The following TAMM41 variants were observed in gnomAD, a reference collection of about 807,000 sequenced individuals.
The protein encoded by TAMM41 is TAM41 mitochondrial translocator assembly and maintenance homolog.
Under a neutral mutation model 44.1 loss-of-function variants are expected in TAMM41, and 36 were observed. The observed-to-expected ratio is 0.82, with a 90% CI of 0.63 to 1.08. The LOEUF (loss-of-function observed/expected upper bound fraction) is 1.08. TAMM41 is among the 50% of genes least tolerant of loss of function. The pLI is 0.00. For synonymous variants in TAMM41, 164 were observed against 153.1 expected, an observed-to-expected ratio of 1.07 and a Z score of -0.53; for missense variants, 417 against 404.3, an observed-to-expected ratio of 1.03 and a Z score of -0.27.
In TAMM41 at chr3:11,817,350, A is replaced by G. The variant is rs1232199243; in HGVS notation, c.563-13T>C. 1 of 1,602,842 alleles carries G rather than the reference A, an allele frequency of 6.2e-7. No individual in the cohort carries two copies. Among genetic ancestry groups the G allele is most frequent in the Admixed American group, 1.7e-5 (1 of 59,788 alleles). ...ATCCGAAAGTCACCTAGTTAAAACA[A>G]AGAGATAAACACATCTTCCATTAAG... On this transcript the variant is annotated splice_polypyrimidine_tract_variant and intron_variant, in intron 4 of 7. Transcript: ENST00000455809.
chr3:11,808,194 ATGACTTAAATC>A, intron 6 of TAMM41: 2 of 1,060,138 alleles, frequency 1.9e-6, no homozygotes, highest in Non-Finnish European at 2.4e-6. Context: ...AGGGCATTTT[ATGACTTAAATC>A]TGCTTGAGAT....
chr3:11,751,019 G>C, the TAMM41 span, among the ~76,000 whole-genome samples: 24 of 151,914 alleles, frequency 1.6e-4, no homozygotes, highest in Non-Finnish European at 2.6e-4. Flanking sequence ...CACAGGTCCA[G>C]GGTGCACACT....
intron 5 of TAMM41, among the ~76,000 whole-genome samples, chr3:11,813,912 G>A (rs985062690): frequency 5.0e-4 from 73 of 147,008 alleles, no homozygotes; most frequent in African/African-American, 1.7e-3. Flanking sequence ...ATATATGTGT[G>A]TATATATGTA....
chr3:11,735,579 G>A, the TAMM41 span, among the ~76,000 whole-genome samples: 1 of 152,054 alleles, frequency 6.6e-6, no homozygotes, highest in Non-Finnish European at 1.5e-5. Context: ...AGACTGCAGT[G>A]AGCTGTGTTC....
chr3:11,839,928 G>A lies in TAMM41; in HGVS notation c.319-614C>T, dbSNP rs185411696. 2.9e-3 allele frequency among the ~76,000 whole-genome samples: 436 copies of A among 152,170 alleles called. 1 individual carries two copies. The highest frequency in any genetic ancestry group is 9.9e-3 in the African/African-American group (411 of 41,496). ...TAACATCACTACTGTAGAACCTAAG[G>A]TTGGTCTTTTGAGATGTTTTCAGAC... On this transcript the variant is annotated intron_variant, in intron 2 of 7. Transcript: ENST00000455809.
chr3:11,740,087 C>T, the TAMM41 span, among the ~76,000 whole-genome samples: 7 of 138,866 alleles, frequency 5.0e-5, no homozygotes, highest in Admixed American at 2.1e-4. Context: ...AAAAACAAAA[C>T]AAAACAAAAA....
chr3:11,809,877 A>C (rs2078035328), intron 5 of TAMM41, 195 bp from the exon 6 acceptor site: 2 of 499,694 alleles, frequency 4.0e-6, no homozygotes, highest in Non-Finnish European at 6.9e-6. Flanking sequence ...CCCTTCAAAA[A>C]GGACAATTCT....
At chr3:11,793,933 T>C (rs2124916251) in intron 7 of TAMM41, among the ~76,000 whole-genome samples, 1 of 152,312 alleles carries the variant, frequency 6.6e-6, no homozygotes, top group Non-Finnish European at 1.5e-5. Flanking sequence ...TTTGCACTTT[T>C]CTATCTATAT....
At chr3:11,748,025 C>G in the TAMM41 span, among the ~76,000 whole-genome samples, 1 of 151,348 alleles carries the variant, frequency 6.6e-6, no homozygotes. Context: ...CAGGCGCACA[C>G]CACTACACCT....
At chr3:11,754,405 G>T in the TAMM41 span, among the ~76,000 whole-genome samples, 1 of 151,860 alleles carries the variant, frequency 6.6e-6, no homozygotes, top group Non-Finnish European at 1.5e-5. Flanking sequence ...GCAGGGTCTC[G>T]CTCTATAACC....
chr3:11,840,417 TACAG>T (rs1388838627), intron 2 of TAMM41, among the ~76,000 whole-genome samples: 1 of 151,956 alleles, frequency 6.6e-6, no homozygotes, highest in Non-Finnish European at 1.5e-5. Flanking sequence ...CTATTTTTAG[TACAG>T]ACAGGATTTC....
the TAMM41 span, among the ~76,000 whole-genome samples, chr3:11,754,108 T>C: frequency 3.1e-4 from 47 of 152,228 alleles, no homozygotes; most frequent in African/African-American, 1.1e-3. Flanking sequence ...TTTCACGTGG[T>C]AACCGAGACC....
chr3:11,825,319 C>T lies in TAMM41; in HGVS notation c.562+4395G>A, dbSNP rs1177540787. Reference sequence around the variant, plus strand: ...GCTTTCTATCCCTTCAGGAGTGCTGCGTTCTCAGAAATTAGCAAATGACTA... The same window carrying T: ...GCTTTCTATCCCTTCAGGAGTGCTGTGTTCTCAGAAATTAGCAAATGACTA... On this transcript the variant is annotated intron_variant, in intron 4 of 7. Coordinates refer to ENST00000455809, the MANE Select transcript of TAMM41 (RefSeq NM_001284401.2). 5.3e-5 allele frequency among the ~76,000 whole-genome samples: 8 copies of T among 152,170 alleles called. No homozygotes were observed. In the East Asian group the frequency reaches 9.6e-4, roughly 18 times the overall value.
chr3:11,745,392 C>A, the TAMM41 span, among the ~76,000 whole-genome samples: 2 of 152,168 alleles, frequency 1.3e-5, no homozygotes, highest in Non-Finnish European at 2.9e-5. Context: ...CTCATAGAAG[C>A]ATTATTCACA....
chr3:11,771,721 T>C, the TAMM41 span, among the ~76,000 whole-genome samples: 4 of 152,062 alleles, frequency 2.6e-5, no homozygotes, highest in Non-Finnish European at 4.4e-5. Context: ...TAGCTGGGAT[T>C]ACAGGCGCCC....
rs565776669 is a variant in TAMM41 at position 11,826,666 on chromosome 3, G to C, written c.562+3048C>G. 2.0e-5 allele frequency: 3 copies of C among 150,404 alleles called. No individual in the cohort carries two copies. In the Admixed American group the frequency reaches 2.0e-4, roughly 10 times the overall value. The allele number at this position is 150,404 out of a possible 1,614,324, so 9.3% of individuals were successfully genotyped here. On this transcript the variant is annotated intron_variant, in intron 4 of 7. Transcript: ENST00000455809. The stretch of plus-strand genomic sequence containing the variant: ...CAGAAAGGTTCAAGCTTGTGTTTCA[G>C]GAAATAAAATAATGAAAAACAAATA...
At chr3:11,810,273 G>C (rs1212287481) in intron 5 of TAMM41, among the ~76,000 whole-genome samples, 3 of 152,196 alleles carry the variant, frequency 2.0e-5, no homozygotes, top group Non-Finnish European at 4.4e-5. Context: ...ATGAGTAACT[G>C]AATCAATACA....
At chr3:11,792,992 C>T (rs997934957) in intron 7 of TAMM41, among the ~76,000 whole-genome samples, 1 of 133,316 alleles carries the variant, frequency 7.5e-6, no homozygotes, top group Non-Finnish European at 1.5e-5. Flanking sequence ...GCCCGGGAAG[C>T]GGAGGTTGCA....
At chr3:11,752,852 G>T in the TAMM41 span, among the ~76,000 whole-genome samples, 1 of 151,520 alleles carries the variant, frequency 6.6e-6, no homozygotes, top group Admixed American at 6.6e-5. Context: ...ATAGGGTCTT[G>T]CTATGTTGCC....
Sources: allele counts gnomAD v4.1 joint callset (sites outside exome capture counted in the v4.1 genomes callset), GRCh38; gene constraint gnomAD v4.1.1; transcripts MANE v1.5; gene names NCBI Gene and HGNC (gene_info 2026-07-23, HGNC 2026-07-21).